The following ARHGAP18 variants were observed in gnomAD, a reference collection of about 807,000 sequenced individuals.
The protein encoded by ARHGAP18 is rho GTPase-activating protein 18.
A neutral mutation model predicts 86.2 loss-of-function variants in ARHGAP18; 67 were observed. That is an observed-to-expected ratio of 0.78 (90% CI 0.64 to 0.95). The LOEUF is 0.95. Ranked by LOEUF, ARHGAP18 falls within the 40% of genes least tolerant of loss-of-function variation. ARHGAP18 has a pLI of 0.00. For synonymous variants in ARHGAP18, 283 were observed against 280.4 expected, an observed-to-expected ratio of 1.01 and a Z score of -0.09; for missense variants, 691 against 780.4, an observed-to-expected ratio of 0.89 and a Z score of 1.37.
intron 5 of ARHGAP18, among the ~76,000 whole-genome samples, chr6:129,625,386 T>TAC (rs1356750407): frequency 1.2e-5 from 1 of 83,452 alleles, no homozygotes; most frequent in African/African-American, 5.6e-5. Flanking sequence ...TTATATATTA[T>TAC]ATATTTATAC....
intron 1 of ARHGAP18, among the ~76,000 whole-genome samples, chr6:129,663,452 G>A (rs1021534981): frequency 1.8e-4 from 27 of 151,944 alleles, no homozygotes; most frequent in African/African-American, 4.6e-4. Context: ...TGTTTCCTAC[G>A]CCCCAATAAT....
rs138151262 is a variant in ARHGAP18 at position 129,612,661 on chromosome 6, T to C, written c.1045-1051A>G. On this transcript the variant is annotated intron_variant, in intron 7 of 14. Transcript: ENST00000368149. ...TGTTTTTCCCTTGCACATAAAAGTG[T>C]CTGTTAGGAGCAAAGCATCATAAAT... is the stretch of plus-strand genomic sequence containing the variant. Among the ~76,000 whole-genome samples, 64 of 152,310 alleles carry C rather than the reference T, an allele frequency of 4.2e-4. No individual in the cohort carries two copies. The East Asian group carries it at 0.012, about 28-fold the overall frequency.
chr6:129,640,613 T>C (rs1003676643), intron 2 of ARHGAP18, among the ~76,000 whole-genome samples: 2 of 152,200 alleles, frequency 1.3e-5, no homozygotes, highest in African/African-American at 4.8e-5. Flanking sequence ...ACCCCAAGTC[T>C]TCTTTTTAAA....
chr6:129,690,478 C>T (rs1435978490), intron 1 of ARHGAP18, among the ~76,000 whole-genome samples: 2 of 152,130 alleles, frequency 1.3e-5, no homozygotes, highest in African/African-American at 2.4e-5. Flanking sequence ...CATAACAATT[C>T]AGAGACTAAA....
chr6:129,581,650 T>G (rs1275586237), intron 13 of ARHGAP18, among the ~76,000 whole-genome samples: 1 of 152,172 alleles, frequency 6.6e-6, no homozygotes, highest in Non-Finnish European at 1.5e-5. Flanking sequence ...AAATTCATCG[T>G]TAAAGGCAAC....
intron 1 of ARHGAP18, among the ~76,000 whole-genome samples, chr6:129,683,982 G>A (rs910987954): frequency 3.9e-5 from 6 of 152,206 alleles, no homozygotes; most frequent in Non-Finnish European, 8.8e-5. Flanking sequence ...CACTGACAGC[G>A]CGAGATGATT....
At chr6:129,662,566 T>C (rs771855067) in intron 1 of ARHGAP18, among the ~76,000 whole-genome samples, 1 of 152,238 alleles carries the variant, frequency 6.6e-6, no homozygotes, top group Non-Finnish European at 1.5e-5. Context: ...TGTAGTCAGA[T>C]GGCCTCCTTC....
At chr6:129,611,634 C>A in intron 7 of ARHGAP18, 24 bp from the exon 8 acceptor site, 1 of 1,602,800 alleles carries the variant, frequency 6.2e-7, no homozygotes, top group South Asian at 1.1e-5. Flanking sequence ...GAGAAACATT[C>A]TAATTTCCGT....
chr6:129,603,628 T>C (rs1404433219), intron 10 of ARHGAP18, among the ~76,000 whole-genome samples: 1 of 152,194 alleles, frequency 6.6e-6, no homozygotes, highest in East Asian at 1.9e-4. Flanking sequence ...ATTGAAACAA[T>C]GTATATAATG....
At position 129,590,917 on chromosome 6, in the gene ARHGAP18, A is replaced by G. The variant is rs111403678; in HGVS notation, c.1714-6805T>C. Among the ~76,000 whole-genome samples, 1,429 of 152,342 alleles carry G rather than the reference A, an allele frequency of 9.4e-3. 25 individuals are homozygous for G. The highest frequency in any genetic ancestry group is 0.033 in the African/African-American group (1,375 of 41,572). On this transcript the variant is annotated intron_variant, in intron 12 of 14. Transcript: ENST00000368149. The stretch of plus-strand genomic sequence containing the variant: ...ATACAGAGATTGAGAGTTTGACTCA[A>G]TATGGATATACAATGCTCTTTATCC...
intron 1 of ARHGAP18, among the ~76,000 whole-genome samples, chr6:129,677,190 G>A (rs1203278841): frequency 6.6e-6 from 1 of 151,986 alleles, no homozygotes; most frequent in Non-Finnish European, 1.5e-5. Flanking sequence ...CAGGAGGATC[G>A]AGACCACCCT....
At position 129,698,857 on chromosome 6, in the gene ARHGAP18, T is replaced by C. The variant is rs1774665785; in HGVS notation, c.113+11167A>G. 2.6e-5 allele frequency among the ~76,000 whole-genome samples: 4 copies of C among 152,070 alleles called. No homozygotes were observed. In the South Asian group the frequency reaches 8.3e-4, roughly 32 times the overall value. On this transcript the variant is annotated intron_variant, in intron 1 of 14. Coordinates refer to ENST00000368149, the MANE Select transcript of ARHGAP18 (RefSeq NM_033515.3). ...ACAGGCATGCACCACCATGCCAGAC[T>C]AATTTTTTTATTTTTAGTAGAGACG... is the stretch of plus-strand genomic sequence containing the variant.
At chr6:129,669,452 G>GT (rs545702173) in intron 1 of ARHGAP18, among the ~76,000 whole-genome samples, 1,848 of 150,692 alleles carry the variant, frequency 0.012, 15 homozygotes, top group Non-Finnish European at 0.016. Context: ...GATTACAGGC[G>GT]TGAGCCACCG....
At chr6:129,632,450 G>A (rs1263077149) in intron 4 of ARHGAP18, among the ~76,000 whole-genome samples, 1 of 152,124 alleles carries the variant, frequency 6.6e-6, no homozygotes, top group Non-Finnish European at 1.5e-5. Context: ...GGCAAGGGAG[G>A]AAAACACCAA....
At chr6:129,591,173 T>C (rs778986777) in intron 12 of ARHGAP18, among the ~76,000 whole-genome samples, 10 of 152,228 alleles carry the variant, frequency 6.6e-5, no homozygotes, top group South Asian at 2.1e-4. Flanking sequence ...ACTAATTACA[T>C]TGAGTTGCCA....
chr6:129,582,702 C>T (rs1660401055), intron 13 of ARHGAP18, among the ~76,000 whole-genome samples: 1 of 152,206 alleles, frequency 6.6e-6, no homozygotes, highest in East Asian at 1.9e-4. Flanking sequence ...CTATGATGCT[C>T]TGTAGATCCT....
intron 1 of ARHGAP18, among the ~76,000 whole-genome samples, chr6:129,684,367 T>G (rs1774389291): frequency 6.6e-6 from 1 of 152,206 alleles, no homozygotes; most frequent in Non-Finnish European, 1.5e-5. Flanking sequence ...TGCCTAGGAA[T>G]GTGCATGGGA....
intron 6 of ARHGAP18, 21 bp downstream of exon 6, chr6:129,618,666 G>A (rs1290790013): frequency 6.3e-7 from 1 of 1,580,234 alleles, no homozygotes; most frequent in Non-Finnish European, 8.6e-7. Flanking sequence ...TAAATCCAAG[G>A]GTTTATCATT....
At chr6:129,586,849 A>C (rs1788404421) in intron 12 of ARHGAP18, among the ~76,000 whole-genome samples, 1 of 152,092 alleles carries the variant, frequency 6.6e-6, no homozygotes. Context: ...ATCTTTGTGT[A>C]CGTTCTACTC....
Sources: gnomAD v4.1 joint callset for allele counts (sites outside exome capture counted in the v4.1 genomes callset) on GRCh38, gnomAD v4.1.1 for gene constraint, MANE v1.5 for transcripts, NCBI Gene and HGNC (gene_info 2026-07-23, HGNC 2026-07-21) for gene names.